SINHCAF: variants seen among roughly 807,000 people sequenced by gnomAD.
The protein encoded by SINHCAF is SIN3-HDAC complex-associated factor.
In SINHCAF, 3 loss-of-function variants were observed where a neutral mutation model predicts 25.8. The ratio of observed to expected loss-of-function variants is 0.12; its 90% CI spans 0.05 to 0.30. The LOEUF (loss-of-function observed/expected upper bound fraction) is 0.30, where lower values mean the gene tolerates loss of function less well. Among genes scored for constraint, SINHCAF ranks in the 10% least tolerant of loss-of-function variants. SINHCAF has a pLI of 1.00. For synonymous variants in SINHCAF, 70 were observed against 85.5 expected (o/e 0.82, Z 1.00); for missense variants, 121 against 262.3 (o/e 0.46, Z 3.72).
At chr12:31,323,150 A>C (rs1057236793) in intron 1 of SINHCAF, among the ~76,000 whole-genome samples, 12 of 152,178 alleles carry the variant, frequency 7.9e-5, no homozygotes, top group Admixed American at 3.9e-4. Flanking sequence ...AAGGCACTGA[A>C]TAACCACCAA....
rs555954820 is a variant in SINHCAF, at chr12:31,299,279, T to C, written c.-20-1055A>G. Among the ~76,000 whole-genome samples the C allele has an allele frequency of 2.0e-5, 3 of 152,136 alleles. No homozygotes were observed. The South Asian group carries it at 6.2e-4, about 32-fold the overall frequency. ...TATGTATGAGGGTCTAACTATAAAT[T>C]ATCACAAAATTATCACATAAAGCAA... On this transcript the variant is annotated intron_variant, in intron 1 of 5. Coordinates refer to ENST00000337682, the MANE Select transcript of SINHCAF (RefSeq NM_001135812.2).
intron 1 of SINHCAF, among the ~76,000 whole-genome samples, chr12:31,316,550 G>C (rs576716944): frequency 6.6e-6 from 1 of 152,020 alleles, no homozygotes; most frequent in Non-Finnish European, 1.5e-5. Context: ...AATGAAATTG[G>C]GAAGCCAAAG....
intron 1 of SINHCAF, chr12:31,303,593 G>A (rs2137105504): frequency 6.6e-6 from 1 of 152,272 alleles, no homozygotes; most frequent in Non-Finnish European, 1.5e-5. Flanking sequence ...GATTGAGTGT[G>A]AGCCACTGCA....
intron 3 of SINHCAF, 22 bp from the exon 4 acceptor site, chr12:31,293,953 T>A: frequency 6.4e-7 from 1 of 1,566,998 alleles, no homozygotes; most frequent in Non-Finnish European, 8.6e-7. Flanking sequence ...TACTGAATAT[T>A]TAATAATATT....
intron 1 of SINHCAF, among the ~76,000 whole-genome samples, chr12:31,299,070 G>A (rs567900096): frequency 3.9e-5 from 6 of 151,912 alleles, no homozygotes; most frequent in Non-Finnish European, 8.8e-5. Flanking sequence ...CGTCAAGGAA[G>A]GAATGAAAAC....
At chr12:31,286,599 G>A (rs1938082533) in intron 5 of SINHCAF, among the ~76,000 whole-genome samples, 1 of 151,158 alleles carries the variant, frequency 6.6e-6, no homozygotes, top group African/African-American at 2.4e-5. Context: ...GGAGGCAGAG[G>A]CTGCAGTGAG....
intron 4 of SINHCAF, among the ~76,000 whole-genome samples, chr12:31,289,353 C>T (rs183371595): frequency 4.7e-4 from 71 of 152,276 alleles, no homozygotes; most frequent in South Asian, 1.4e-3. Context: ...CATGCCAAAA[C>T]ACGTCATAAT....
intron 1 of SINHCAF, among the ~76,000 whole-genome samples, chr12:31,317,055 T>A (rs1176807811): frequency 6.6e-6 from 1 of 152,220 alleles, no homozygotes; most frequent in African/African-American, 2.4e-5. Flanking sequence ...GGCTTTTTTA[T>A]ATATTCAGAA....
rs1316854787 is a variant in SINHCAF at position 31,326,140 on chromosome 12, C to T, written c.-137G>A. The stretch of plus-strand genomic sequence containing the variant: ...ACTGCCTTGTCTAGAAAGATAGTCT[C>T]CTGCAGTTCTGCAGTTGCTACCGCT... On this transcript the variant is annotated 5_prime_UTR_variant, in exon 1 of 6. Transcript: ENST00000337682. 6.6e-6 allele frequency: 1 copy of T among 152,272 alleles called. No homozygotes were observed. The highest frequency in any genetic ancestry group is 2.4e-5 in the African/African-American group (1 of 41,452). The allele number at this position is 152,272 out of a possible 1,614,324, so 9.4% of individuals were successfully genotyped here. A position where few individuals can be genotyped will look rare whatever the true frequency, so the allele number is the denominator to read the frequency against.
rs78881611 is a variant in SINHCAF, at chr12:31,313,950, C to T, written c.-21+12074G>A. 5.8e-3 allele frequency among the ~76,000 whole-genome samples: 883 copies of T among 152,086 alleles called. 16 individuals are homozygous for T. Among genetic ancestry groups the T allele is most frequent in the African/African-American group, 0.02 (850 of 41,478 alleles). On this transcript the variant is annotated intron_variant, in intron 1 of 5. Transcript: ENST00000337682. ...GATTACAGGCGTGAGCCACCACGCC[C>T]GGCCAATTAAATGTTTTAATCCCTT... is the stretch of plus-strand genomic sequence containing the variant.
chr12:31,286,015 G>C (rs375294670), intron 5 of SINHCAF, among the ~76,000 whole-genome samples: 2 of 151,462 alleles, frequency 1.3e-5, no homozygotes, highest in African/African-American at 4.9e-5. Flanking sequence ...CAAACAAAGT[G>C]GTTTAAAGTA....
At chr12:31,296,400 A>T (rs1938550499) in intron 2 of SINHCAF, among the ~76,000 whole-genome samples, 1 of 151,642 alleles carries the variant, frequency 6.6e-6, no homozygotes, top group Non-Finnish European at 1.5e-5. Flanking sequence ...CCCTGGGCTC[A>T]ACTGATCTGT....
chr12:31,303,790 T>A (rs1938904502), intron 1 of SINHCAF: 1 of 152,210 alleles, frequency 6.6e-6, no homozygotes, highest in Non-Finnish European at 1.5e-5. Flanking sequence ...AACCTTGTTA[T>A]GACGTCGGCA....
intron 1 of SINHCAF, among the ~76,000 whole-genome samples, chr12:31,302,617 G>A (rs1938848368): frequency 1.3e-5 from 2 of 151,316 alleles, no homozygotes; most frequent in African/African-American, 4.9e-5. Context: ...CAGATTACAC[G>A]AGGCACGGTA....
chr12:31,302,595 T>G (rs2137103102), intron 1 of SINHCAF, among the ~76,000 whole-genome samples: 1 of 151,540 alleles, frequency 6.6e-6, no homozygotes, highest in Middle Eastern at 3.4e-3. Flanking sequence ...GGTTATAACC[T>G]GTGTTTCAAA....
rs1203468460 is a variant in SINHCAF at position 31,325,984 on chromosome 12, G to A, written c.-21+40C>T. On this transcript the variant is annotated intron_variant, in intron 1 of 5. Transcript: ENST00000337682. This position sits in a 1 kb window ranked among gnomAD's most constrained non-coding sequence, Gnocchi z 5.9. ...AAAAACACTGAAATCAAAGCCTCGT[G>A]AGACAGTTTTGCACTAGAAGCATGG... The A allele has an allele frequency of 3.3e-5, 5 of 152,008 alleles. No individual in the cohort carries two copies. Among genetic ancestry groups the A allele is most frequent in the Non-Finnish European group, 7.4e-5 (5 of 68,014 alleles). The allele number at this position is 152,008 out of a possible 1,614,324, so 9.4% of individuals were successfully genotyped here.
intron 1 of SINHCAF, among the ~76,000 whole-genome samples, chr12:31,314,368 CAAA>C (rs911924068): frequency 6.7e-6 from 1 of 150,192 alleles, no homozygotes; most frequent in African/African-American, 2.4e-5. Context: ...ACTAAAAATA[CAAA>C]AAAAAATAGC....
At position 31,287,130 on chromosome 12, in the gene SINHCAF, A is replaced by C. The variant is rs1938114285; in HGVS notation, c.506+504T>G. On this transcript the variant is annotated intron_variant, in intron 5 of 5. Coordinates refer to ENST00000337682, the MANE Select transcript of SINHCAF (RefSeq NM_001135812.2). ...TCTCCGTTTTTCACTTTTTCTTGAG[A>C]CAGCTTTAGCAACATGTCTTTTTTC... Among the ~76,000 whole-genome samples, 4 of 152,266 alleles carry C rather than the reference A, an allele frequency of 2.6e-5. No homozygotes were observed. In the South Asian group the frequency reaches 8.3e-4, roughly 32 times the overall value.
intron 1 of SINHCAF, among the ~76,000 whole-genome samples, chr12:31,316,713 T>C (rs1939509346): frequency 6.6e-6 from 1 of 152,218 alleles, no homozygotes; most frequent in African/African-American, 2.4e-5. Context: ...TTAAAGATTA[T>C]CTCTTATAAA....
Sources: allele counts gnomAD v4.1 joint callset (sites outside exome capture counted in the v4.1 genomes callset), GRCh38; gene constraint gnomAD v4.1.1; non-coding constraint Gnocchi (gnomAD v3.1); transcripts MANE v1.5; gene names NCBI Gene and HGNC (gene_info 2026-07-23, HGNC 2026-07-21).